The following STARD13 variants were observed in gnomAD, a reference collection of about 807,000 sequenced individuals.
The protein encoded by STARD13 is stAR-related lipid transfer protein 13.
Under a neutral mutation model 106.4 loss-of-function variants are expected in STARD13, and 62 were observed. The ratio of observed to expected loss-of-function variants is 0.58; its 90% CI spans 0.48 to 0.72. The LOEUF is 0.72. Ranked by LOEUF, STARD13 falls within the 30% of genes least tolerant of loss-of-function variation. STARD13 has a pLI of 0.00. For synonymous variants in STARD13, 565 were observed against 553.0 expected (o/e 1.02, Z -0.31); for missense variants, 1,387 against 1,424.0 (o/e 0.97, Z 0.42).
At chr13:33,615,178 CCT>C in the STARD13 span, among the ~76,000 whole-genome samples, 1 of 152,050 alleles carries the variant, frequency 6.6e-6, no homozygotes, top group Non-Finnish European at 1.5e-5. Context: ...CGCAAAAACC[CCT>C]GTGTTTTTGC....
chr13:33,499,656 T>TCGTCC, the STARD13 span, among the ~76,000 whole-genome samples: 1 of 146,296 alleles, frequency 6.8e-6, no homozygotes, highest in Admixed American at 7.0e-5. Context: ...CTCCTTCTTC[T>TCGTCC]TCTTCTTCCT....
At chr13:33,465,148 CA>C in the STARD13 span, among the ~76,000 whole-genome samples, 4 of 151,544 alleles carry the variant, frequency 2.6e-5, no homozygotes, top group Admixed American at 6.6e-5. Flanking sequence ...TTCTTTCTAC[CA>C]TTTACCATGA....
Position 33,285,533 on chromosome 13 carries a change from G to T in STARD13, c.106C>A (p.Arg36Ser), listed in dbSNP as rs1892012598. 6.2e-7 allele frequency: 1 copy of T among 1,614,066 alleles called. No individual in the cohort carries two copies. Among genetic ancestry groups the T allele is most frequent in the Non-Finnish European group, 8.5e-7 (1 of 1,179,922 alleles). ...ATCCGGCTCATCCTGTAAGGAGAGC[G>T]TCTTGTAGTCTGATCAAATCGCAAG... ...MYLRFDQTTR[R>S]SPYRMSRILA... Residue 36 changes from arginine to serine, a missense_variant, in exon 1 of 14, where the codon CGC becomes AGC. Transcript: ENST00000336934.
chr13:33,489,286 ATAGCCTT>A, the STARD13 span, among the ~76,000 whole-genome samples: 1 of 152,252 alleles, frequency 6.6e-6, no homozygotes. Flanking sequence ...ATGTAGTCAT[ATAGCCTT>A]TATAGTTTTC....
the STARD13 span, among the ~76,000 whole-genome samples, chr13:33,493,106 A>G: frequency 1.3e-5 from 2 of 152,202 alleles, no homozygotes; most frequent in Non-Finnish European, 2.9e-5. Context: ...ACGGACTTCC[A>G]AGCAGGTTAA....
At chr13:33,438,507 G>A in the STARD13 span, among the ~76,000 whole-genome samples, 1 of 152,172 alleles carries the variant, frequency 6.6e-6, no homozygotes, top group Non-Finnish European at 1.5e-5. Context: ...ATATAAAAGT[G>A]GTCATGGACA....
chr13:33,508,672 A>G, the STARD13 span, among the ~76,000 whole-genome samples: 1 of 152,218 alleles, frequency 6.6e-6, no homozygotes, highest in African/African-American at 2.4e-5. Context: ...CATTCCTGGG[A>G]AAAAGGCAAA....
At chr13:33,540,104 T>A in the STARD13 span, among the ~76,000 whole-genome samples, 1 of 152,208 alleles carries the variant, frequency 6.6e-6, no homozygotes, top group Non-Finnish European at 1.5e-5. Flanking sequence ...ACTATAGTAG[T>A]TCCCCCTTAG....
rs369504211 is a variant in STARD13 at position 33,110,913 on chromosome 13, C to T, written c.2608-6G>A. 7.4e-6 allele frequency: 12 copies of T among 1,611,296 alleles called. No homozygotes were observed. The highest frequency in any genetic ancestry group is 1.0e-5 in the Non-Finnish European group (12 of 1,178,852). ...GCCACCAACTCGTGTGGAACCTAGA[C>T]CAACGGATGCATGAAAGGGCAACAC... is the stretch of plus-strand genomic sequence containing the variant. On this transcript the variant is annotated splice_polypyrimidine_tract_variant and splice_region_variant and intron_variant, in intron 10 of 13. Transcript: ENST00000336934.
chr13:33,672,826 A>G, the STARD13 span, among the ~76,000 whole-genome samples: 1 of 152,244 alleles, frequency 6.6e-6, no homozygotes, highest in African/African-American at 2.4e-5. Context: ...ATAACATGCT[A>G]TCCATCTACA....
chr13:33,142,830 A>G (rs950481766), intron 3 of STARD13, among the ~76,000 whole-genome samples: 1 of 152,230 alleles, frequency 6.6e-6, no homozygotes, highest in Non-Finnish European at 1.5e-5. Context: ...ACAGTGCTGA[A>G]TTATACATGC....
intron 8 of STARD13, chr13:33,117,522 C>T: frequency 1.5e-6 from 1 of 688,020 alleles, no homozygotes; most frequent in Non-Finnish European, 1.8e-6. Context: ...TTGCTGAGAA[C>T]TTAACATTAT....
At position 33,225,177 on chromosome 13, in the gene STARD13, G is replaced by A. The variant is rs1008099920; in HGVS notation, c.170-57555C>T. Among the ~76,000 whole-genome samples the A allele has an allele frequency of 4.6e-5, 7 of 152,226 alleles. No homozygotes were observed. In the South Asian group the frequency reaches 1.0e-3, roughly 23 times the overall value. Reference sequence around the variant, plus strand: ...CATTATGAATATCAGACACTGTACTGTGATGTTCTTGGTACCAAATAAAAC... The same window carrying A: ...CATTATGAATATCAGACACTGTACTATGATGTTCTTGGTACCAAATAAAAC... On this transcript the variant is annotated intron_variant, in intron 1 of 13. Transcript: ENST00000336934.
chr13:33,470,594 T>C, the STARD13 span, among the ~76,000 whole-genome samples: 1 of 152,244 alleles, frequency 6.6e-6, no homozygotes, highest in Non-Finnish European at 1.5e-5. Flanking sequence ...TGTTGTTTCC[T>C]GACTTTTTAA....
the STARD13 span, among the ~76,000 whole-genome samples, chr13:33,636,399 G>A: frequency 1.3e-5 from 2 of 152,076 alleles, no homozygotes; most frequent in African/African-American, 4.8e-5. Flanking sequence ...TTTTGAGTAG[G>A]GAACGTGTAA....
chr13:33,570,557 C>T, the STARD13 span, among the ~76,000 whole-genome samples: 1 of 148,062 alleles, frequency 6.8e-6, no homozygotes, highest in African/African-American at 2.5e-5. Context: ...GCTAACAACT[C>T]ACTACTAGGT....
At chr13:33,501,925 T>A in the STARD13 span, among the ~76,000 whole-genome samples, 1 of 152,154 alleles carries the variant, frequency 6.6e-6, no homozygotes, top group East Asian at 1.9e-4. Context: ...AAGAAAGTCA[T>A]TGGTAGCTTG....
At chr13:33,305,151 C>T (rs1009348983) in intron 1 of STARD13, among the ~76,000 whole-genome samples, 3 of 152,210 alleles carry the variant, frequency 2.0e-5, no homozygotes, top group Non-Finnish European at 4.4e-5. Flanking sequence ...CCCAGCCTCC[C>T]AAAGTACTGG....
chr13:33,243,595 A>G (rs1241501980), intron 1 of STARD13, among the ~76,000 whole-genome samples: 1 of 152,198 alleles, frequency 6.6e-6, no homozygotes, highest in Admixed American at 6.5e-5. Flanking sequence ...AGGATGAACC[A>G]TAAAGGACAG....
Sources: allele counts gnomAD v4.1 joint callset (sites outside exome capture counted in the v4.1 genomes callset), GRCh38; gene constraint gnomAD v4.1.1; transcripts MANE v1.5; gene names NCBI Gene and HGNC (gene_info 2026-07-23, HGNC 2026-07-21).